BCAS3: variants seen among roughly 807,000 people sequenced by gnomAD.
BCAS3 encodes the protein BCAS3 microtubule associated cell migration factor, also known as BCAS4/BCAS3 fusion.
A neutral mutation model predicts 116.1 loss-of-function variants in BCAS3; 53 were observed. The observed-to-expected ratio is 0.46, with a 90% CI of 0.37 to 0.57. The LOEUF (loss-of-function observed/expected upper bound fraction) is 0.57, where lower values mean the gene tolerates loss of function less well. BCAS3 is among the 20% of genes least tolerant of loss of function. BCAS3 has a pLI of 0.00. For synonymous variants in BCAS3, 391 were observed against 408.2 expected (o/e 0.96, Z 0.51); for missense variants, 917 against 1,165.4 (o/e 0.79, Z 3.10).
chr17:60,859,954 A>G (rs1489895373), intron 7 of BCAS3, among the ~76,000 whole-genome samples: 2 of 152,324 alleles, frequency 1.3e-5, no homozygotes, highest in African/African-American at 2.4e-5. Flanking sequence ...TAGTGCTGCA[A>G]AGAACATAGG....
intron 22 of BCAS3, among the ~76,000 whole-genome samples, chr17:61,230,142 T>C (rs979591909): frequency 4.0e-5 from 6 of 149,942 alleles, no homozygotes; most frequent in African/African-American, 7.4e-5. Flanking sequence ...AGTGTGTGTA[T>C]ACACACACAC....
rs529102847 is a variant in BCAS3, at chr17:60,985,369, AC to A, written c.1222-4601del. ...ACCATATTGGCCAGGCTGGTCTCAA[AC>A]TCCTGATCTCAGGTGATCCACCCGT... On this transcript the variant is annotated intron_variant, in intron 14 of 23. Coordinates refer to ENST00000407086, the MANE Select transcript of BCAS3 (RefSeq NM_017679.5). Among the ~76,000 whole-genome samples the A allele has an allele frequency of 8.6e-5, 13 of 150,736 alleles. No individual in the cohort carries two copies. In the South Asian group the frequency reaches 2.7e-3, roughly 32 times the overall value.
At chr17:60,785,219 T>C (rs1033048064) in intron 6 of BCAS3, among the ~76,000 whole-genome samples, 2 of 152,132 alleles carry the variant, frequency 1.3e-5, no homozygotes, top group African/African-American at 4.8e-5. Flanking sequence ...AGTGCAGTGG[T>C]GCGATCTCGG....
Position 61,204,098 on chromosome 17 carries a change from ATCC to A in BCAS3, c.2425+119540_2425+119542del, listed in dbSNP as rs1374188019. Among the ~76,000 whole-genome samples the A allele has an allele frequency of 6.6e-6, 1 of 152,036 alleles. No individual in the cohort carries two copies. Among genetic ancestry groups the A allele is most frequent in the Non-Finnish European group, 1.5e-5 (1 of 68,012 alleles). On this transcript the variant is annotated intron_variant, in intron 22 of 23. Coordinates refer to ENST00000407086, the MANE Select transcript of BCAS3 (RefSeq NM_017679.5). This position sits in a 1 kb window ranked among gnomAD's most constrained non-coding sequence, Gnocchi z 4.2. ...CTCTGGGAGGTTTGATACACTCTTC[ATCC>A]TCCTCAGCTCACCAGAGTCACTCAG... is the stretch of plus-strand genomic sequence containing the variant.
At chr17:61,287,544 AGT>A (rs1430380357) in intron 22 of BCAS3, among the ~76,000 whole-genome samples, 1 of 151,866 alleles carries the variant, frequency 6.6e-6, no homozygotes, top group African/African-American at 2.4e-5. Flanking sequence ...TAAGCAACAT[AGT>A]GAGACCTCGT....
chr17:60,702,028 A>G (rs1396653813), intron 4 of BCAS3, among the ~76,000 whole-genome samples: 2 of 152,092 alleles, frequency 1.3e-5, no homozygotes, highest in African/African-American at 2.4e-5. Flanking sequence ...GTATATATGT[A>G]TGTATAGATA....
At chr17:60,677,971 G>A (rs2032247206) in intron 1 of BCAS3, 57 bp downstream of exon 1, 1 of 154,162 alleles carries the variant, frequency 6.5e-6, no homozygotes, top group African/African-American at 2.4e-5. Flanking sequence ...CGAGGGACTG[G>A]CGGCGTGAGG....
intron 7 of BCAS3, among the ~76,000 whole-genome samples, chr17:60,829,614 C>A (rs1434210439): frequency 2.0e-5 from 3 of 151,784 alleles, no homozygotes; most frequent in Non-Finnish European, 2.9e-5. Flanking sequence ...TGGATATGAA[C>A]ATTTCTATAT....
intron 7 of BCAS3, among the ~76,000 whole-genome samples, chr17:60,840,622 A>C (rs1171880680): frequency 1.3e-5 from 2 of 152,074 alleles, no homozygotes; most frequent in Non-Finnish European, 2.9e-5. Context: ...GCCTCACTGC[A>C]TTCTTGACTT....
chr17:60,829,015 G>T (rs1490094642), intron 7 of BCAS3, among the ~76,000 whole-genome samples: 1 of 152,116 alleles, frequency 6.6e-6, no homozygotes, highest in Admixed American at 6.5e-5. Flanking sequence ...GCCCTTAACA[G>T]CAAAGAATTA....
chr17:61,129,515 T>C (rs2076221240), intron 22 of BCAS3, among the ~76,000 whole-genome samples: 1 of 152,260 alleles, frequency 6.6e-6, no homozygotes, highest in African/African-American at 2.4e-5. Context: ...GGTTGCCATG[T>C]GTCTCCCAGT....
At chr17:61,014,160 A>AT (rs1169629923) in intron 15 of BCAS3, among the ~76,000 whole-genome samples, 1 of 152,154 alleles carries the variant, frequency 6.6e-6, no homozygotes, top group East Asian at 1.9e-4. Flanking sequence ...GGGGTTGATA[A>AT]TTTTTATCGA....
intron 14 of BCAS3, among the ~76,000 whole-genome samples, chr17:60,989,363 A>G (rs2063376342): frequency 6.6e-6 from 1 of 152,142 alleles, no homozygotes; most frequent in African/African-American, 2.4e-5. Flanking sequence ...AGTAAATTCA[A>G]TTTGCTAATT....
intron 15 of BCAS3, among the ~76,000 whole-genome samples, chr17:60,997,243 G>A (rs994550594): frequency 3.3e-5 from 5 of 152,182 alleles, no homozygotes; most frequent in Admixed American, 6.5e-5. Flanking sequence ...GCCTGGTTTC[G>A]TACAGGCCAC....
chr17:61,352,917 C>G lies in BCAS3; in HGVS notation c.2426-15410C>G, dbSNP rs1184695389. The stretch of plus-strand genomic sequence containing the variant: ...GGGAGGTATGAATTTCTCTTGTTTG[C>G]TTTAATGGAGTGTTAACCCCCGTCG... On this transcript the variant is annotated intron_variant, in intron 22 of 23. Coordinates refer to ENST00000407086, the MANE Select transcript of BCAS3 (RefSeq NM_017679.5). The surrounding 1 kb of genome is among the most constrained non-coding windows in gnomAD (Gnocchi z 4.7). Among the ~76,000 whole-genome samples the G allele has an allele frequency of 1.3e-5, 2 of 152,220 alleles. No homozygotes were observed. Among genetic ancestry groups the G allele is most frequent in the East Asian group, 1.9e-4 (1 of 5,190 alleles).
chr17:61,031,983 A>G (rs1457613080), intron 16 of BCAS3, among the ~76,000 whole-genome samples: 1 of 152,142 alleles, frequency 6.6e-6, no homozygotes, highest in African/African-American at 2.4e-5. Flanking sequence ...TTATAGATGT[A>G]TAAGAGATTT....
At chr17:61,329,462 C>G (rs370019542) in intron 22 of BCAS3, among the ~76,000 whole-genome samples, 1 of 151,346 alleles carries the variant, frequency 6.6e-6, no homozygotes, top group African/African-American at 2.4e-5. Flanking sequence ...TGCCTCAGCC[C>G]CCCAAGTAAC....
intron 15 of BCAS3, among the ~76,000 whole-genome samples, chr17:60,999,559 A>G (rs552210788): frequency 2.4e-4 from 36 of 150,124 alleles, no homozygotes; most frequent in South Asian, 1.9e-3. Context: ...AAAAAAAAAA[A>G]AAAAAGAAAA....
At chr17:61,242,137 G>A (rs1050023063) in intron 22 of BCAS3, among the ~76,000 whole-genome samples, 1 of 152,146 alleles carries the variant, frequency 6.6e-6, no homozygotes, top group Non-Finnish European at 1.5e-5. Flanking sequence ...TTAACTGGGC[G>A]TGGTGGCGCA....
Sources: gnomAD v4.1 joint callset for allele counts (sites outside exome capture counted in the v4.1 genomes callset) on GRCh38, gnomAD v4.1.1 for gene constraint, Gnocchi (gnomAD v3.1) non-coding constraint, MANE v1.5 for transcripts, NCBI Gene and HGNC (gene_info 2026-07-23, HGNC 2026-07-21) for gene names.